Variants in ANTXR1 observed in about 807,000 individuals in gnomAD.
ANTXR1 encodes ANTXR cell adhesion molecule 1.
Under a neutral mutation model 78.1 loss-of-function variants are expected in ANTXR1, and 19 were observed. That is an observed-to-expected ratio of 0.24 (90% confidence interval 0.17 to 0.36). The LOEUF (loss-of-function observed/expected upper bound fraction) is 0.36, where lower values mean the gene tolerates loss of function less well. Ranked by LOEUF, ANTXR1 falls within the 10% of genes least tolerant of loss-of-function variation. The pLI is 1.00. For synonymous variants in ANTXR1, 273 were observed against 260.5 expected (o/e 1.05, Z -0.46); for missense variants, 518 against 718.6 (o/e 0.72, Z 3.19).
chr2:69,046,435 T>C (rs1669770400), intron 3 of ANTXR1, among the ~76,000 whole-genome samples: 1 of 152,334 alleles, frequency 6.6e-6, no homozygotes, highest in Middle Eastern at 3.4e-3. Context: ...TTTGTGTACC[T>C]TAACGTCACT....
At chr2:69,195,066 G>A (rs774765977) in intron 17 of ANTXR1, among the ~76,000 whole-genome samples, 36 of 149,898 alleles carry the variant, frequency 2.4e-4, no homozygotes, top group Non-Finnish European at 5.3e-4. Context: ...TACTTGGGAG[G>A]TTGAGGCAGG....
At chr2:69,084,326 A>G (rs1298576686) in intron 8 of ANTXR1, among the ~76,000 whole-genome samples, 1 of 152,188 alleles carries the variant, frequency 6.6e-6, no homozygotes, top group Non-Finnish European at 1.5e-5. Flanking sequence ...TGTTTATCCT[A>G]CACTCCTTTG....
chr2:69,191,633 A>G (rs1049655070), intron 16 of ANTXR1, among the ~76,000 whole-genome samples: 3 of 152,038 alleles, frequency 2.0e-5, no homozygotes, highest in Non-Finnish European at 2.9e-5. Context: ...TGCAATTACT[A>G]TTTTCTCTTC....
chr2:69,140,972 G>A (rs1260356137), intron 12 of ANTXR1, among the ~76,000 whole-genome samples: 1 of 152,138 alleles, frequency 6.6e-6, no homozygotes, highest in Non-Finnish European at 1.5e-5. Context: ...GAATCACAGT[G>A]TTTCATTATG....
intron 17 of ANTXR1, among the ~76,000 whole-genome samples, chr2:69,205,554 G>C (rs569247283): frequency 2.9e-4 from 44 of 150,300 alleles, no homozygotes; most frequent in Admixed American, 2.8e-3. Context: ...TTCACTCCCT[G>C]AATAAGTTGT....
chr2:69,157,005 G>A (rs934872971), intron 13 of ANTXR1, among the ~76,000 whole-genome samples: 1 of 152,058 alleles, frequency 6.6e-6, no homozygotes, highest in Admixed American at 6.6e-5. Context: ...CTCCTTTGCG[G>A]AGCATCCACT....
Position 69,184,226 on chromosome 2 carries a change from T to G in ANTXR1, c.1353+1566T>G, listed in dbSNP as rs1674365074. Among the ~76,000 whole-genome samples, 5 of 152,224 alleles carry G rather than the reference T, an allele frequency of 3.3e-5. No individual in the cohort carries two copies. In the South Asian group the frequency reaches 1.0e-3, roughly 32 times the overall value. On this transcript the variant is annotated intron_variant, in intron 16 of 17. Transcript: ENST00000303714. Reference sequence around the variant, plus strand: ...AGCGAAACGTTATTGGTGGTTACCTTTCCTCAGCTGAGCTAGCTCAAGCTC... The same window carrying G: ...AGCGAAACGTTATTGGTGGTTACCTGTCCTCAGCTGAGCTAGCTCAAGCTC...
chr2:69,222,498 A>G lies in ANTXR1; in HGVS notation c.1435-22727A>G, dbSNP rs1320463205. Among the ~76,000 whole-genome samples the G allele has an allele frequency of 3.3e-5, 5 of 152,210 alleles. No individual in the cohort carries two copies. The East Asian group carries it at 9.6e-4, about 29-fold the overall frequency. On this transcript the variant is annotated intron_variant, in intron 17 of 17. Coordinates refer to ENST00000303714, the MANE Select transcript of ANTXR1 (RefSeq NM_032208.3). ...AAGTTGTAGTTAGTCATTCTCTGTA[A>G]CAGTAGTAATGAACTCTCTAGTTAT...
chr2:69,019,950 T>C (rs1009259227), intron 1 of ANTXR1, among the ~76,000 whole-genome samples: 5 of 152,242 alleles, frequency 3.3e-5, no homozygotes, highest in Non-Finnish European at 7.3e-5. Context: ...ATGGTGTATA[T>C]ATACCACATT....
At chr2:69,127,417 C>T (rs1672575552) in intron 12 of ANTXR1, among the ~76,000 whole-genome samples, 1 of 151,922 alleles carries the variant, frequency 6.6e-6, no homozygotes, top group Non-Finnish European at 1.5e-5. Context: ...GGTGCCATCC[C>T]CAGGCATCTC....
chr2:69,019,747 G>A lies in ANTXR1; in HGVS notation c.152+6096G>A, dbSNP rs188519242. ...TCCCTCCTGTCACCTTCCACCCTCC[G>A]ACAGGCCCCAGTGTCTGTTGTTCCC... is the stretch of plus-strand genomic sequence containing the variant. On this transcript the variant is annotated intron_variant, in intron 1 of 17. Transcript: ENST00000303714. 1.3e-3 allele frequency among the ~76,000 whole-genome samples: 199 copies of A among 152,038 alleles called. 2 individuals carry two copies. Among genetic ancestry groups the A allele is most frequent in the Non-Finnish European group, 1.3e-3 (88 of 67,980 alleles).
intron 11 of ANTXR1, among the ~76,000 whole-genome samples, chr2:69,124,263 G>T (rs569797181): frequency 5.3e-5 from 8 of 152,310 alleles, no homozygotes; most frequent in Middle Eastern, 3.4e-3. Flanking sequence ...CAAGTTAAAT[G>T]AAAGTAAGCT....
At chr2:69,215,462 T>C (rs915304550) in intron 17 of ANTXR1, among the ~76,000 whole-genome samples, 1 of 152,220 alleles carries the variant, frequency 6.6e-6, no homozygotes, top group African/African-American at 2.4e-5. Flanking sequence ...ATTCATTACA[T>C]GCTTATCTCA....
chr2:69,080,958 G>A (rs7598700), intron 8 of ANTXR1, among the ~76,000 whole-genome samples: 108,079 of 152,078 alleles, frequency 0.71, 38,989 homozygotes, highest in African/African-American at 0.82. Context: ...CTATAGCTAG[G>A]TACAGAGTCT....
At chr2:69,147,385 C>G (rs1673258626) in intron 12 of ANTXR1, among the ~76,000 whole-genome samples, 1 of 152,118 alleles carries the variant, frequency 6.6e-6, no homozygotes, top group Non-Finnish European at 1.5e-5. Context: ...CTGTTAATCC[C>G]CCTTCACAAG....
intron 13 of ANTXR1, among the ~76,000 whole-genome samples, chr2:69,156,148 ACTT>A (rs1673519244): frequency 6.6e-6 from 1 of 152,090 alleles, no homozygotes; most frequent in East Asian, 1.9e-4. Flanking sequence ...CAAACTGCTA[ACTT>A]ACCTCTATGG....
intron 17 of ANTXR1, among the ~76,000 whole-genome samples, chr2:69,240,355 A>G (rs971467072): frequency 2.6e-5 from 4 of 152,264 alleles, no homozygotes; most frequent in African/African-American, 9.6e-5. Context: ...AGGGTTCCAC[A>G]TGGCAAATTA....
chr2:69,076,539 A>G (rs1670737627), intron 7 of ANTXR1, among the ~76,000 whole-genome samples: 1 of 152,250 alleles, frequency 6.6e-6, no homozygotes, highest in Non-Finnish European at 1.5e-5. Flanking sequence ...TGAATAAAAC[A>G]AAATTACAAA....
rs182845991 is a variant in ANTXR1 at position 69,048,607 on chromosome 2, G to C, written c.296+3794G>C. ...TAGCCAGTTCTTCCCACACCACTGTGTAATAATCTTTTACCAACAACTTGA... is the reference window on the plus strand; with the variant it reads ...TAGCCAGTTCTTCCCACACCACTGTCTAATAATCTTTTACCAACAACTTGA... On this transcript the variant is annotated intron_variant, in intron 3 of 17. Transcript: ENST00000303714. 1.4e-3 allele frequency among the ~76,000 whole-genome samples: 216 copies of C among 152,272 alleles called. 2 individuals are homozygous for C. The South Asian group carries it at 0.022, about 15-fold the overall frequency.
Sources: allele counts gnomAD v4.1 joint callset (sites outside exome capture counted in the v4.1 genomes callset), GRCh38; gene constraint gnomAD v4.1.1; transcripts MANE v1.5; gene names NCBI Gene and HGNC (gene_info 2026-07-23, HGNC 2026-07-21).